LPP: variants seen among roughly 807,000 people sequenced by gnomAD.
LPP encodes LIM domain containing preferred translocation partner in lipoma, also known as lipoma-preferred partner.
A neutral mutation model predicts 60.4 loss-of-function variants in LPP; 38 were observed. The ratio of observed to expected loss-of-function variants is 0.63; its 90% CI spans 0.49 to 0.83. LPP has a LOEUF of 0.83. Among genes scored for constraint, LPP ranks in the 40% least tolerant of loss-of-function variants. The pLI is 0.00. For missense variants in LPP, 902 were observed against 783.6 expected (o/e 1.15, Z -1.80); for synonymous variants, 328 against 290.8 (o/e 1.13, Z -1.30).
intron 2 of LPP, among the ~76,000 whole-genome samples, chr3:188,316,944 A>G (rs1475008106): frequency 1.3e-5 from 2 of 152,166 alleles, no homozygotes; most frequent in African/African-American, 4.8e-5. Context: ...CTCCCTTGTC[A>G]GGCCCAACAA....
intron 3 of LPP, among the ~76,000 whole-genome samples, chr3:188,370,334 A>C (rs935978139): frequency 6.6e-6 from 1 of 152,140 alleles, no homozygotes. Flanking sequence ...CACCGCCTAC[A>C]AGTGGTGGGG....
intron 5 of LPP, among the ~76,000 whole-genome samples, chr3:188,495,368 T>C (rs1396387359): frequency 6.6e-6 from 1 of 151,300 alleles, no homozygotes; most frequent in African/African-American, 2.4e-5. Context: ...ATTTGCAAAA[T>C]ACATTATAAC....
At chr3:188,294,524 C>G (rs1229743226) in intron 2 of LPP, among the ~76,000 whole-genome samples, 1 of 152,168 alleles carries the variant, frequency 6.6e-6, no homozygotes, top group East Asian at 1.9e-4. Context: ...GGTAACACAA[C>G]TAGAGCCACC....
rs549009198 is a variant in LPP, at chr3:188,886,502, G to A, written c.*12023G>A. 1.6e-5 allele frequency: 3 copies of A among 187,356 alleles called. No individual in the cohort carries two copies. The highest frequency in any genetic ancestry group is 5.0e-5 in the African/African-American group (2 of 39,772). 11.6% of individuals were successfully genotyped at this position (187,356 alleles called of 1,614,324 possible). On this transcript the variant is annotated 3_prime_UTR_variant, in exon 12 of 12. Transcript: ENST00000617246. ...TGCCTGAGTAGAGACTCACATGGGT[G>A]GAATCTGTGTTGTCTCATCAGAGGG...
At chr3:188,374,841 G>A (rs1774470102) in intron 3 of LPP, among the ~76,000 whole-genome samples, 1 of 152,004 alleles carries the variant, frequency 6.6e-6, no homozygotes, top group African/African-American at 2.4e-5. Context: ...TTGGCTGTGG[G>A]TTTGTCATAG....
At chr3:188,351,320 C>G (rs1765766386) in intron 3 of LPP, among the ~76,000 whole-genome samples, 1 of 152,088 alleles carries the variant, frequency 6.6e-6, no homozygotes, top group African/African-American at 2.4e-5. Context: ...AGTCCAGCTC[C>G]CCCACCCCAG....
chr3:188,718,867 T>C (rs1250338717), intron 8 of LPP, among the ~76,000 whole-genome samples: 3 of 152,194 alleles, frequency 2.0e-5, no homozygotes, highest in Non-Finnish European at 2.9e-5. Flanking sequence ...CTGGAGGGAA[T>C]CTTAAGAGAC....
rs1459101983 is a variant in LPP, at chr3:188,885,557, G to A, written c.*11078G>A. ...CTATCATTGTTGGACATTTGGGTTG[G>A]TTCCAAGTCTTTGCTATTGTGAATA... On this transcript the variant is annotated 3_prime_UTR_variant, in exon 12 of 12. Coordinates refer to ENST00000617246, the MANE Select transcript of LPP (RefSeq NM_001375462.1). 1.2e-5 allele frequency: 2 copies of A among 173,504 alleles called. 1 individual carries two copies. Among genetic ancestry groups the A allele is most frequent in the South Asian group, 4.0e-4 (2 of 5,000 alleles). 10.7% of individuals were successfully genotyped at this position (173,504 alleles called of 1,614,324 possible).
chr3:188,571,699 A>T (rs1378244807), intron 6 of LPP, among the ~76,000 whole-genome samples: 3 of 152,124 alleles, frequency 2.0e-5, no homozygotes, highest in Non-Finnish European at 4.4e-5. Context: ...TCCTCTAAAG[A>T]TGTCAGACTG....
intron 6 of LPP, among the ~76,000 whole-genome samples, chr3:188,553,249 A>G (rs955620312): frequency 6.6e-6 from 1 of 152,126 alleles, no homozygotes; most frequent in Non-Finnish European, 1.5e-5. Flanking sequence ...ATTTTCCCAT[A>G]TCATGTGTTT....
At chr3:188,776,356 T>C (rs574436795) in intron 9 of LPP, among the ~76,000 whole-genome samples, 1 of 152,284 alleles carries the variant, frequency 6.6e-6, no homozygotes, top group South Asian at 2.1e-4. Flanking sequence ...ATCTCAACAT[T>C]TTTTTATGTT....
At chr3:188,451,484 T>C (rs140829662) in intron 4 of LPP, among the ~76,000 whole-genome samples, 1,636 of 152,332 alleles carry the variant, frequency 0.011, 12 homozygotes, top group South Asian at 0.015. Context: ...ATTTATTGTA[T>C]GGCAATTGCA....
At chr3:188,813,189 C>T (rs1196609777) in intron 9 of LPP, among the ~76,000 whole-genome samples, 1 of 152,048 alleles carries the variant, frequency 6.6e-6, no homozygotes, top group African/African-American at 2.4e-5. Flanking sequence ...AATTGTACTC[C>T]ATGTATATTT....
chr3:188,475,651 C>A (rs565420900), intron 4 of LPP, among the ~76,000 whole-genome samples: 1 of 152,144 alleles, frequency 6.6e-6, no homozygotes, highest in Non-Finnish European at 1.5e-5. Context: ...GCCTATAATC[C>A]CAGCACTTTG....
At chr3:188,330,859 G>GTAAATAAA (rs57059911) in intron 2 of LPP, among the ~76,000 whole-genome samples, 2 of 149,526 alleles carry the variant, frequency 1.3e-5, no homozygotes, top group South Asian at 4.3e-4. Context: ...AAGTAAGTAA[G>GTAAATAAA]TAAATAAATA....
intron 1 of LPP, among the ~76,000 whole-genome samples, chr3:188,155,982 T>A (rs1389302701): frequency 1.3e-5 from 2 of 152,058 alleles, no homozygotes; most frequent in Non-Finnish European, 2.9e-5. Flanking sequence ...ACCACTGCAC[T>A]CTAGCCTGGG....
chr3:188,846,683 CAAAAA>C (rs34230552), intron 9 of LPP, among the ~76,000 whole-genome samples: 7 of 84,622 alleles, frequency 8.3e-5, no homozygotes, highest in African/African-American at 2.4e-4. Context: ...GATTCCATCT[CAAAAA>C]AAAAAAAAAA....
At chr3:188,708,191 G>T in intron 7 of LPP, 76 bp from the exon 8 acceptor site, 2 of 1,546,750 alleles carry the variant, frequency 1.3e-6, no homozygotes. Flanking sequence ...CAGTGCAATC[G>T]CTGCTTGTTT....
At chr3:188,581,585 T>C (rs1580146187) in intron 6 of LPP, among the ~76,000 whole-genome samples, 1 of 152,028 alleles carries the variant, frequency 6.6e-6, no homozygotes, top group Non-Finnish European at 1.5e-5. Context: ...GGCTCAACTC[T>C]CTCCTGCCAC....
Sources: allele counts gnomAD v4.1 joint callset (sites outside exome capture counted in the v4.1 genomes callset), GRCh38; gene constraint gnomAD v4.1.1; transcripts MANE v1.5; gene names NCBI Gene and HGNC (gene_info 2026-07-23, HGNC 2026-07-21).